The following PKD2L2 variants were observed in gnomAD, a reference collection of about 807,000 sequenced individuals.
PKD2L2 encodes polycystin 2 like 2, transient receptor potential cation channel.
Under a neutral mutation model 83.9 loss-of-function variants are expected in PKD2L2, and 67 were observed. That is an observed-to-expected ratio of 0.80 (90% CI 0.66 to 0.98). The LOEUF (loss-of-function observed/expected upper bound fraction) is 0.98. PKD2L2 is among the 50% of genes least tolerant of loss of function. PKD2L2 has a pLI of 0.00. For missense variants in PKD2L2, 632 were observed against 717.2 expected (o/e 0.88, Z 1.36); for synonymous variants, 223 against 237.8 (o/e 0.94, Z 0.57).
At chr5:137,903,678 C>T (rs1757139071) in intron 5 of PKD2L2, among the ~76,000 whole-genome samples, 2 of 152,116 alleles carry the variant, frequency 1.3e-5, no homozygotes. Context: ...TCTACATGTT[C>T]CTAAATAAAT....
intron 9 of PKD2L2, among the ~76,000 whole-genome samples, chr5:137,923,106 C>A (rs1759073682): frequency 6.6e-6 from 1 of 151,658 alleles, no homozygotes; most frequent in Non-Finnish European, 1.5e-5. Context: ...ACCTCCACCT[C>A]CTGGGTTCAA....
In PKD2L2 at chr5:137,912,307, G is replaced by C. The variant is rs186482445; in HGVS notation, c.1328+3361G>C. 1.2e-4 allele frequency among the ~76,000 whole-genome samples: 18 copies of C among 152,242 alleles called. No individual in the cohort carries two copies. In the East Asian group the frequency reaches 3.3e-3, roughly 28 times the overall value. ...AAGTTTTCTTTTTGTCTCCATCCTT[G>C]ATAACACTTGTTATCTTTTTGATAA... On this transcript the variant is annotated intron_variant, in intron 8 of 14. Transcript: ENST00000508883.
intron 8 of PKD2L2, among the ~76,000 whole-genome samples, chr5:137,914,535 A>C (rs12332208): frequency 1.6e-4 from 24 of 152,240 alleles, no homozygotes; most frequent in African/African-American, 5.8e-4. Flanking sequence ...TTTTTGGTGG[A>C]ATCTTTAAGG....
chr5:137,922,198 A>T (rs1397647840), intron 9 of PKD2L2, among the ~76,000 whole-genome samples: 1 of 152,200 alleles, frequency 6.6e-6, no homozygotes, highest in East Asian at 1.9e-4. Flanking sequence ...CTAACCAAGG[A>T]ATCTTGCCTT....
At chr5:137,928,524 T>C (rs998454095) in intron 12 of PKD2L2, among the ~76,000 whole-genome samples, 1 of 152,152 alleles carries the variant, frequency 6.6e-6, no homozygotes, top group Non-Finnish European at 1.5e-5. Context: ...TCGACCTCCA[T>C]GGGCTCAGGT....
intron 3 of PKD2L2, among the ~76,000 whole-genome samples, chr5:137,892,922 A>C (rs1054832581): frequency 6.6e-6 from 1 of 152,156 alleles, no homozygotes; most frequent in African/African-American, 2.4e-5. Context: ...AGCCTGACCA[A>C]CTTGGTGAAA....
At chr5:137,904,950 A>G (rs1001172295) in intron 5 of PKD2L2, among the ~76,000 whole-genome samples, 17 of 152,184 alleles carry the variant, frequency 1.1e-4, no homozygotes, top group Admixed American at 1.1e-3. Flanking sequence ...TAAGCAGCCA[A>G]TGGATATTAT....
At chr5:137,925,241 T>G in intron 11 of PKD2L2, 137 bp downstream of exon 11, 1 of 625,252 alleles carries the variant, frequency 1.6e-6, no homozygotes, top group Non-Finnish European at 2.9e-6. Flanking sequence ...TTGGTCAGAC[T>G]GGTCTCAAAC....
intron 5 of PKD2L2, among the ~76,000 whole-genome samples, chr5:137,905,138 G>A (rs1414452103): frequency 6.6e-6 from 1 of 152,124 alleles, no homozygotes; most frequent in Admixed American, 6.5e-5. Flanking sequence ...TGTAATATAA[G>A]ATTAAGTCCA....
At chr5:137,931,237 G>A (rs535654443) in intron 12 of PKD2L2, among the ~76,000 whole-genome samples, 6 of 152,190 alleles carry the variant, frequency 3.9e-5, no homozygotes, top group African/African-American at 1.2e-4. Flanking sequence ...TCAATCAGAC[G>A]GTCTTCACAA....
chr5:137,940,483 AAG>A, intron 14 of PKD2L2: 33 of 632,138 alleles, frequency 5.2e-5, no homozygotes, highest in Non-Finnish European at 7.5e-5. Flanking sequence ...AAAAAAAAAA[AAG>A]GTTATTGAAC....
In PKD2L2 at chr5:137,934,187, G is replaced by A. The variant is rs575891574; in HGVS notation, c.1672-1610G>A. ...CTACCACAAGGGAAGGTGGTAGGGC[G>A]AGCAGGACGTAGGAGCTTGGAGCAA... On this transcript the variant is annotated intron_variant, in intron 12 of 14. Coordinates refer to ENST00000508883, the MANE Select transcript of PKD2L2 (RefSeq NM_001300921.2). Among the ~76,000 whole-genome samples, 283 of 152,270 alleles carry A rather than the reference G, an allele frequency of 1.9e-3. 5 individuals carry two copies. Among genetic ancestry groups the A allele is most frequent in the Middle Eastern group, 0.01 (3 of 294 alleles).
chr5:137,939,292 C>G (rs1386199204), intron 14 of PKD2L2: 1 of 152,488 alleles, frequency 6.6e-6, no homozygotes, highest in Non-Finnish European at 1.5e-5. Context: ...TTGTTAAGAA[C>G]AGATTTACTT....
At chr5:137,939,801 C>T in intron 14 of PKD2L2, 2 of 1,179,894 alleles carry the variant, frequency 1.7e-6, no homozygotes, top group Non-Finnish European at 1.1e-6. Flanking sequence ...TTCAGTCATT[C>T]TGTAAGAAAA....
chr5:137,935,382 C>T (rs990411143), intron 12 of PKD2L2, among the ~76,000 whole-genome samples: 5 of 152,166 alleles, frequency 3.3e-5, no homozygotes, highest in Non-Finnish European at 5.9e-5. Context: ...AGTCATCTGA[C>T]TGAGAAGCTG....
chr5:137,890,189 A>T (rs913905938), intron 1 of PKD2L2: 3 of 224,514 alleles, frequency 1.3e-5, no homozygotes, highest in African/African-American at 7.0e-5. Context: ...AGGCTGAGGC[A>T]GGAGAATCGC....
At chr5:137,927,737 A>G (rs1347234726) in intron 12 of PKD2L2, among the ~76,000 whole-genome samples, 1 of 152,186 alleles carries the variant, frequency 6.6e-6, no homozygotes, top group Non-Finnish European at 1.5e-5. Flanking sequence ...TGTAACTTGT[A>G]TCTAAATTTG....
Position 137,923,516 on chromosome 5 carries a change from A to G in PKD2L2, c.1546A>G (p.Lys516Glu), listed in dbSNP as rs776832705. Residue 516 changes from lysine (K) to glutamate (E), a missense_variant, in exon 10 of 15, where the codon AAA (lysine) becomes GAA (glutamate). Physicochemically the swap from Lys to Glu is moderately conservative, Grantham distance 56. Transcript: ENST00000508883. ...RLDFELGKMIKQSYKNVLEKF... is the reference protein window; with the variant it reads ...RLDFELGKMIEQSYKNVLEKF... ...AGATTTTGAACTTGGCAAAATGATTAAACAGGTAAGTCAAATTTCTTTCCT... is the reference window on the plus strand; with the variant it reads ...AGATTTTGAACTTGGCAAAATGATTGAACAGGTAAGTCAAATTTCTTTCCT... The G allele has an allele frequency of 3.6e-6, 5 of 1,372,412 alleles. No homozygotes were observed. The African/African-American group carries it at 5.7e-5, about 16-fold the overall frequency. The allele number at this position is 1,372,412 out of a possible 1,614,324, so 85.0% of individuals were successfully genotyped here.
Position 137,904,853 on chromosome 5 carries a change from G to A in PKD2L2, c.747-1353G>A, listed in dbSNP as rs552863108. Among the ~76,000 whole-genome samples, 6 of 152,248 alleles carry A rather than the reference G, an allele frequency of 3.9e-5. No individual in the cohort carries two copies. In the South Asian group the frequency reaches 1.0e-3, roughly 26 times the overall value. The stretch of plus-strand genomic sequence containing the variant: ...AATGGAATATGGAATTGGAGTTTAG[G>A]GGATTTTGCTCCCCGTGCAACAGGG... On this transcript the variant is annotated intron_variant, in intron 5 of 14. Coordinates refer to ENST00000508883, the MANE Select transcript of PKD2L2 (RefSeq NM_001300921.2).
Sources: allele counts gnomAD v4.1 joint callset (sites outside exome capture counted in the v4.1 genomes callset), GRCh38; gene constraint gnomAD v4.1.1; transcripts MANE v1.5; gene names NCBI Gene and HGNC (gene_info 2026-07-23, HGNC 2026-07-21).